NALF1: variants seen among roughly 807,000 people sequenced by gnomAD.
The protein encoded by NALF1 is NALCN channel auxiliary factor 1.
In NALF1, 3 loss-of-function variants were observed where a neutral mutation model predicts 48.4. That is an observed-to-expected ratio of 0.06 (90% CI 0.03 to 0.16). The LOEUF (loss-of-function observed/expected upper bound fraction) is 0.16, where lower values mean the gene tolerates loss of function less well. Among genes scored for constraint, NALF1 ranks in the 10% least tolerant of loss-of-function variants. The pLI is 1.00. For missense variants in NALF1, 526 were observed against 571.5 expected, an observed-to-expected ratio of 0.92 and a Z score of 0.81; for synonymous variants, 262 against 245.7, an observed-to-expected ratio of 1.07 and a Z score of -0.62.
chr13:107,379,209 GT>G (rs1281161928), intron 1 of NALF1, among the ~76,000 whole-genome samples: 1 of 152,084 alleles, frequency 6.6e-6, no homozygotes, highest in Non-Finnish European at 1.5e-5. Flanking sequence ...ATCACTTTAT[GT>G]TCTGTTGAGT....
At chr13:107,623,911 T>C (rs560056650) in intron 1 of NALF1, among the ~76,000 whole-genome samples, 1 of 152,188 alleles carries the variant, frequency 6.6e-6, no homozygotes, top group Non-Finnish European at 1.5e-5. Context: ...TGCAAAAGCA[T>C]TTTGCAGCAA....
intron 1 of NALF1, among the ~76,000 whole-genome samples, chr13:107,325,978 C>CATATACATATATACATATATACAT (rs1035209396): frequency 6.8e-6 from 1 of 147,110 alleles, no homozygotes; most frequent in African/African-American, 2.5e-5. Context: ...ATACAACACA[C>CATATACATATATACATATATACAT]ATATACATAT....
chr13:107,426,579 AT>A (rs773733600), intron 1 of NALF1, among the ~76,000 whole-genome samples: 20 of 152,210 alleles, frequency 1.3e-4, no homozygotes, highest in Non-Finnish European at 1.9e-4. Flanking sequence ...GCAATCAACC[AT>A]AAAAAAGGAA....
At chr13:107,751,896 T>C (rs979747369) in intron 1 of NALF1, among the ~76,000 whole-genome samples, 3 of 152,106 alleles carry the variant, frequency 2.0e-5, no homozygotes, top group African/African-American at 7.2e-5. Context: ...AACAAATTCA[T>C]GTCATCAAGG....
Position 107,167,586 on chromosome 13 carries a change from A to T in NALF1, c.*2911T>A, listed in dbSNP as rs530743985. On this transcript the variant is annotated 3_prime_UTR_variant, in exon 3 of 3. Transcript: ENST00000375915. ...TCTCCTGTAATAAGAATAGATGAAC[A>T]TGACAAAGAAAATATTCCGCCAGAA... is the stretch of plus-strand genomic sequence containing the variant. 3 of 152,360 alleles carry T rather than the reference A, an allele frequency of 2.0e-5. No individual in the cohort carries two copies. The highest frequency in any genetic ancestry group is 7.2e-5 in the African/African-American group (3 of 41,596). 9.4% of individuals were successfully genotyped at this position (152,360 alleles called of 1,614,324 possible).
intron 1 of NALF1, among the ~76,000 whole-genome samples, chr13:107,627,097 A>G (rs1160328987): frequency 6.7e-6 from 1 of 148,874 alleles, no homozygotes; most frequent in Non-Finnish European, 1.5e-5. Flanking sequence ...CATCCTGTAG[A>G]CTAAGGGGAT....
chr13:107,391,754 G>C (rs1044860278), intron 1 of NALF1, among the ~76,000 whole-genome samples: 1 of 152,032 alleles, frequency 6.6e-6, no homozygotes, highest in African/African-American at 2.4e-5. Context: ...GGAAGCACCC[G>C]CCCTGCCCCC....
chr13:107,530,135 C>T (rs59747883), intron 1 of NALF1, among the ~76,000 whole-genome samples: 3,307 of 152,118 alleles, frequency 0.022, 111 homozygotes, highest in African/African-American at 0.075. Context: ...TGTTCTCTCT[C>T]CACCCTGGGA....
intron 1 of NALF1, among the ~76,000 whole-genome samples, chr13:107,622,633 G>T (rs1170160256): frequency 6.6e-6 from 1 of 152,136 alleles, no homozygotes; most frequent in Non-Finnish European, 1.5e-5. Context: ...CACCCCAGGG[G>T]CTTGCAAATC....
At position 107,166,913 on chromosome 13, in the gene NALF1, T is replaced by C. The variant is rs1878671826; in HGVS notation, c.*3584A>G. On this transcript the variant is annotated 3_prime_UTR_variant, in exon 3 of 3. Transcript: ENST00000375915. The stretch of plus-strand genomic sequence containing the variant: ...TATTGGTAAGAAACCAAATTACTTT[T>C]TGTAATGATGCCATTTAAAAGAACA... The C allele has an allele frequency of 1.3e-5, 2 of 152,216 alleles. No homozygotes were observed. The highest frequency in any genetic ancestry group is 4.1e-4 in the South Asian group (2 of 4,826). The allele number at this position is 152,216 out of a possible 1,614,324, so 9.4% of individuals were successfully genotyped here. A position where few individuals can be genotyped will look rare whatever the true frequency, so the allele number is the denominator to read the frequency against.
intron 1 of NALF1, among the ~76,000 whole-genome samples, chr13:107,856,940 T>G (rs1483129344): frequency 6.6e-6 from 1 of 152,214 alleles, no homozygotes; most frequent in African/African-American, 2.4e-5. Context: ...CTCTTCCTTA[T>G]GTAGAGCAGA....
intron 1 of NALF1, among the ~76,000 whole-genome samples, chr13:107,343,524 T>C (rs1882720057): frequency 6.6e-6 from 1 of 152,194 alleles, no homozygotes; most frequent in African/African-American, 2.4e-5. Context: ...AAGACGTGAC[T>C]TGCTCCTCCT....
At chr13:107,794,429 T>C (rs1878348010) in intron 1 of NALF1, among the ~76,000 whole-genome samples, 1 of 151,462 alleles carries the variant, frequency 6.6e-6, no homozygotes, top group Middle Eastern at 3.2e-3. Flanking sequence ...AGAATGTTAA[T>C]GATGACAGGG....
In NALF1 at chr13:107,167,686, C is replaced by T. The variant is rs1878691095; in HGVS notation, c.*2811G>A. ...TCCCCTTCCCTCCTTACCGTTCCTT[C>T]CTCACCTAAATTATCACTTTATATT... is the stretch of plus-strand genomic sequence containing the variant. On this transcript the variant is annotated 3_prime_UTR_variant, in exon 3 of 3. Transcript: ENST00000375915. 1 of 152,138 alleles carries T rather than the reference C, an allele frequency of 6.6e-6. No individual in the cohort carries two copies. Among genetic ancestry groups the T allele is most frequent in the Non-Finnish European group, 1.5e-5 (1 of 68,050 alleles). 9.4% of individuals were successfully genotyped at this position (152,138 alleles called of 1,614,324 possible).
chr13:107,480,319 C>T (rs898950600), intron 1 of NALF1, among the ~76,000 whole-genome samples: 6 of 152,120 alleles, frequency 3.9e-5, no homozygotes, highest in Non-Finnish European at 8.8e-5. Flanking sequence ...CATGTAGTGC[C>T]TTTCAGGTGG....
chr13:107,684,113 C>A (rs910955374), intron 1 of NALF1, among the ~76,000 whole-genome samples: 2 of 152,198 alleles, frequency 1.3e-5, no homozygotes, highest in African/African-American at 2.4e-5. Context: ...GAGCCACCAG[C>A]CATCTGTGGC....
At chr13:107,373,782 A>G (rs1329091322) in intron 1 of NALF1, among the ~76,000 whole-genome samples, 1 of 152,014 alleles carries the variant, frequency 6.6e-6, no homozygotes, top group Admixed American at 6.6e-5. Flanking sequence ...AGTCTGACTC[A>G]CCACACAAAA....
chr13:107,714,649 A>C (rs1348275672), intron 1 of NALF1, among the ~76,000 whole-genome samples: 1 of 114,964 alleles, frequency 8.7e-6, no homozygotes, highest in Non-Finnish European at 1.9e-5. Flanking sequence ...AGAAAGATAA[A>C]ATTGGGAAAC....
At chr13:107,346,076 C>T (rs1882766361) in intron 1 of NALF1, among the ~76,000 whole-genome samples, 1 of 152,068 alleles carries the variant, frequency 6.6e-6, no homozygotes, top group Non-Finnish European at 1.5e-5. Flanking sequence ...CCCATACCCA[C>T]TAGGATGGGC....
Sources: gnomAD v4.1 joint callset for allele counts (sites outside exome capture counted in the v4.1 genomes callset) on GRCh38, gnomAD v4.1.1 for gene constraint, MANE v1.5 for transcripts, NCBI Gene and HGNC (gene_info 2026-07-23, HGNC 2026-07-21) for gene names.